Variants in ZSCAN21 observed in about 807,000 individuals in gnomAD.
The protein encoded by ZSCAN21 is zinc finger and SCAN domain containing 21.
A neutral mutation model predicts 35.6 loss-of-function variants in ZSCAN21; 26 were observed. The observed-to-expected ratio is 0.73, with a 90% CI of 0.54 to 1.01. ZSCAN21 has a LOEUF of 1.01. ZSCAN21 is among the 50% of genes least tolerant of loss of function. The pLI is 0.00. For synonymous variants in ZSCAN21, 219 were observed against 219.3 expected, an observed-to-expected ratio of 1.00 and a Z score of 0.01; for missense variants, 593 against 587.1, an observed-to-expected ratio of 1.01 and a Z score of -0.10.
chr7:100,063,905 T>G lies in ZSCAN21; in HGVS notation c.710T>G (p.Leu237Ter). The change falls in exon 4 of 4, where the codon TTA becomes TGA. Residue 237 changes from leucine to a stop codon, truncating the protein, a stop_gained. Coordinates refer to ENST00000292450, the MANE Select transcript of ZSCAN21 (RefSeq NM_145914.3). LOFTEE classifies it high-confidence loss of function. ...ATCGCCAATAAACCTGAGGCCAGCT[T>G]AGAGAGGCAGTGCGTAAACCTTGAA... ...VIIANKPEAS[L>*]ERQCVNLENE... 2 of 1,614,128 alleles carry G rather than the reference T, an allele frequency of 1.2e-6. No homozygotes were observed. The highest frequency in any genetic ancestry group is 2.2e-5 in the South Asian group (2 of 91,078).
chr7:100,053,987 C>T (rs1332253083), intron 1 of ZSCAN21, among the ~76,000 whole-genome samples: 6 of 152,020 alleles, frequency 3.9e-5, no homozygotes, highest in Admixed American at 1.3e-4. Context: ...GGATTACGGC[C>T]GTTAGCCACC....
chr7:100,064,816 G>C lies in ZSCAN21; in HGVS notation c.*199G>C, dbSNP rs748091707. On this transcript the variant is annotated 3_prime_UTR_variant, in exon 4 of 4. Transcript: ENST00000292450. ...GAAGGTGTCAGGAGGTTCCACACTCGCCAGTTCACTGGAGCAGAGTCCCTT... is the reference window on the plus strand; with the variant it reads ...GAAGGTGTCAGGAGGTTCCACACTCCCCAGTTCACTGGAGCAGAGTCCCTT... 6.2e-7 allele frequency: 1 copy of C among 1,614,026 alleles called. No homozygotes were observed. Among genetic ancestry groups the C allele is most frequent in the Non-Finnish European group, 8.5e-7 (1 of 1,180,040 alleles).
At chr7:100,052,665 G>C (rs1791923271) in intron 1 of ZSCAN21, among the ~76,000 whole-genome samples, 1 of 151,982 alleles carries the variant, frequency 6.6e-6, no homozygotes, top group African/African-American at 2.4e-5. Flanking sequence ...TCAGCAGGGA[G>C]GTCTAAGTTG....
intron 3 of ZSCAN21, among the ~76,000 whole-genome samples, chr7:100,060,296 G>A (rs114018874): frequency 2.1e-4 from 32 of 152,248 alleles, no homozygotes; most frequent in Middle Eastern, 6.8e-3. Flanking sequence ...AGACATGATG[G>A]CTCACACCGG....
chr7:100,061,049 G>A (rs1430714708), intron 3 of ZSCAN21, among the ~76,000 whole-genome samples: 1 of 152,018 alleles, frequency 6.6e-6, no homozygotes, highest in Non-Finnish European at 1.5e-5. Context: ...CTGGGCGACA[G>A]AGTGAGACCG....
chr7:100,064,977 A>C lies in ZSCAN21; in HGVS notation c.*360A>C. 1 of 1,593,694 alleles carries C rather than the reference A, an allele frequency of 6.3e-7. No homozygotes were observed. The highest frequency in any genetic ancestry group is 8.6e-7 in the Non-Finnish European group (1 of 1,166,212). On this transcript the variant is annotated 3_prime_UTR_variant, in exon 4 of 4. Coordinates refer to ENST00000292450, the MANE Select transcript of ZSCAN21 (RefSeq NM_145914.3). ...CATATATTCAAGAATTTTAATTTGTAAAGAATTGAGCCACATTGAACACAA... is the reference window on the plus strand; with the variant it reads ...CATATATTCAAGAATTTTAATTTGTCAAGAATTGAGCCACATTGAACACAA...
At chr7:100,053,119 C>T (rs1457637154) in intron 1 of ZSCAN21, among the ~76,000 whole-genome samples, 2 of 149,172 alleles carry the variant, frequency 1.3e-5, no homozygotes, top group Non-Finnish European at 3.0e-5. Context: ...GAGTGAGACT[C>T]CATCTCAAAA....
chr7:100,057,240 C>T lies in ZSCAN21; in HGVS notation c.234C>T (p.Ile78=), dbSNP rs374883018. The change falls in exon 2 of 4, where the codon ATC becomes ATT. Residue 78 remains isoleucine (I), a synonymous_variant. Coordinates refer to ENST00000292450, the MANE Select transcript of ZSCAN21 (RefSeq NM_145914.3). ...VLCCEWLRPE[I]HTKEQILELL... ...GCTGTGAGTGGCTGAGGCCCGAGAT[C>T]CACACCAAGGAGCAGATCCTGGAGC... The T allele has an allele frequency of 1.5e-5, 25 of 1,613,700 alleles. No homozygotes were observed. The East Asian group carries it at 1.6e-4, about 10-fold the overall frequency.
At chr7:100,055,140 G>C (rs1242597768) in intron 1 of ZSCAN21, among the ~76,000 whole-genome samples, 1 of 151,846 alleles carries the variant, frequency 6.6e-6, no homozygotes, top group Non-Finnish European at 1.5e-5. Flanking sequence ...ATTTTTAGTA[G>C]AGACAGGGTT....
At chr7:100,057,658 T>G in intron 2 of ZSCAN21, 40 bp from the exon 3 acceptor site, 3 of 1,547,106 alleles carry the variant, frequency 1.9e-6, no homozygotes, top group Non-Finnish European at 2.6e-6. Flanking sequence ...GGTCTTAAAG[T>G]GAGCCATGCA....
intron 1 of ZSCAN21, among the ~76,000 whole-genome samples, chr7:100,051,120 G>C (rs1791846140): frequency 7.5e-6 from 1 of 133,222 alleles, no homozygotes; most frequent in Admixed American, 7.9e-5. Context: ...AGAGGTTGCG[G>C]TGAGCCGAGA....
intron 2 of ZSCAN21, 47 bp from the exon 3 acceptor site, chr7:100,057,651 C>T: frequency 6.5e-7 from 1 of 1,534,980 alleles, no homozygotes; most frequent in East Asian, 2.3e-5. Context: ...CATTCTTGGT[C>T]TTAAAGTGAG....
intron 2 of ZSCAN21, 141 bp downstream of exon 2, chr7:100,057,546 T>G: frequency 7.2e-7 from 1 of 1,383,462 alleles, no homozygotes; most frequent in Non-Finnish European, 9.7e-7. Flanking sequence ...TTTTTCTCTA[T>G]CATCCTAAAC....
In ZSCAN21 at chr7:100,064,334, G is replaced by A. The variant is rs375199673; in HGVS notation, c.1139G>A (p.Arg380Gln). 3.5e-5 allele frequency: 56 copies of A among 1,613,532 alleles called. No homozygotes were observed. The highest frequency in any genetic ancestry group is 8.0e-5 in the African/African-American group (6 of 74,712). Residue 380 changes from arginine to glutamine, a missense_variant, in exon 4 of 4, where the codon CGG (arginine) becomes CAG (glutamine). Transcript: ENST00000292450. ...AAAGGCAGCCTCATTCGTCACTATC[G>A]GATCCACACTGGGGAGAAGCCTTAT... ...SGKGSLIRHY[R>Q]IHTGEKPYQC... is the part of the protein sequence containing the mutation.
intron 3 of ZSCAN21, among the ~76,000 whole-genome samples, chr7:100,059,939 AC>A (rs1445651165): frequency 1.3e-5 from 2 of 151,152 alleles, no homozygotes. Flanking sequence ...CGAACTCCTG[AC>A]CTCATGATCC....
chr7:100,053,548 T>TAG lies in ZSCAN21; in HGVS notation c.-96-3363_-96-3362insAG, dbSNP rs1562843624. Among the ~76,000 whole-genome samples, 5 of 139,838 alleles carry TAG rather than the reference T, an allele frequency of 3.6e-5. 1 individual carries two copies. Among genetic ancestry groups the TAG allele is most frequent in the Admixed American group, 7.0e-5 (1 of 14,314 alleles). 91.7% of individuals were successfully genotyped at this position (139,838 alleles called of 152,430 possible). ...ATACATACATACATACATACATAAT[T>TAG]TTTTTTTTTTTTTTTTTTTTGCAAC... On this transcript the variant is annotated intron_variant, in intron 1 of 3. Transcript: ENST00000292450.
At chr7:100,060,359 G>T (rs1169319754) in intron 3 of ZSCAN21, among the ~76,000 whole-genome samples, 1 of 151,814 alleles carries the variant, frequency 6.6e-6, no homozygotes, top group Non-Finnish European at 1.5e-5. Flanking sequence ...GTCAGGAGAT[G>T]GAGACCATCC....
At position 100,064,433 on chromosome 7, in the gene ZSCAN21, A is replaced by G; in HGVS notation, c.1238A>G (p.Glu413Gly). 1 of 1,614,080 alleles carries G rather than the reference A, an allele frequency of 6.2e-7. No individual in the cohort carries two copies. The highest frequency in any genetic ancestry group is 8.5e-7 in the Non-Finnish European group (1 of 1,180,020). ...TCCCACCAGAGACTCCACACCGGAG[A>G]GAAGCCATATAAGTGTAAGGAGTGT... ...LSSHQRLHTG[E>G]KPYKCKECGK... Residue 413 changes from glutamate (E) to glycine (G), a missense_variant, in exon 4 of 4, where the codon GAG (glutamate) becomes GGG (glycine). Transcript: ENST00000292450.
At chr7:100,054,101 G>C (rs1429448462) in intron 1 of ZSCAN21, among the ~76,000 whole-genome samples, 1 of 151,966 alleles carries the variant, frequency 6.6e-6, no homozygotes, top group Non-Finnish European at 1.5e-5. Context: ...CTTTGTTTTA[G>C]TAGGTGAGAT....
Sources: allele counts gnomAD v4.1 joint callset (sites outside exome capture counted in the v4.1 genomes callset), GRCh38; gene constraint gnomAD v4.1.1; transcripts MANE v1.5; gene names NCBI Gene and HGNC (gene_info 2026-07-23, HGNC 2026-07-21).